The following NXPE2 variants were observed in gnomAD, a reference collection of about 807,000 sequenced individuals.
The protein encoded by NXPE2 is neurexophilin and PC-esterase domain family member 2.
In NXPE2, 34 loss-of-function variants were observed where a neutral mutation model predicts 34.4. The observed-to-expected ratio is 0.99, with a 90% CI of 0.75 to 1.31. NXPE2 has a LOEUF of 1.31. NXPE2 is among the 40% of genes most tolerant of loss of function. The pLI, the probability that NXPE2 is intolerant of heterozygous loss-of-function variation, is 0.00. For synonymous variants in NXPE2, 235 were observed against 231.3 expected (o/e 1.02, Z -0.15); for missense variants, 649 against 672.5 (o/e 0.97, Z 0.39).
chr11:114,654,645 C>A, the NXPE2 span, among the ~76,000 whole-genome samples: 1 of 152,090 alleles, frequency 6.6e-6, no homozygotes, highest in African/African-American at 2.4e-5. Context: ...CTGAAAAAGA[C>A]ATCTCGTTCC....
At chr11:114,575,552 C>G in the NXPE2 span, among the ~76,000 whole-genome samples, 1 of 151,778 alleles carries the variant, frequency 6.6e-6, no homozygotes, top group Admixed American at 6.6e-5. Flanking sequence ...CAACAGCAAC[C>G]AAGCCGAGAA....
chr11:114,643,157 C>A, the NXPE2 span, among the ~76,000 whole-genome samples: 2 of 151,942 alleles, frequency 1.3e-5, no homozygotes, highest in African/African-American at 4.8e-5. Context: ...TGGATATTAG[C>A]CCTTTGTCAG....
chr11:114,580,432 G>GATAGAA, the NXPE2 span: 1 of 997,024 alleles, frequency 1.0e-6, no homozygotes, highest in Non-Finnish European at 1.5e-6. Flanking sequence ...ATCCTAAGAG[G>GATAGAA]GGGTAAGGTG....
chr11:114,792,844 G>A, the NXPE2 span, among the ~76,000 whole-genome samples: 3 of 152,124 alleles, frequency 2.0e-5, no homozygotes, highest in Non-Finnish European at 2.9e-5. Context: ...AGTTCTGTGA[G>A]GTAGATATTA....
At chr11:114,537,602 T>C in the NXPE2 span, among the ~76,000 whole-genome samples, 1 of 152,170 alleles carries the variant, frequency 6.6e-6, no homozygotes, top group African/African-American at 2.4e-5. Flanking sequence ...ACAAAATCAA[T>C]GTGCAAAAAT....
At chr11:114,658,577 A>G in the NXPE2 span, among the ~76,000 whole-genome samples, 14 of 152,206 alleles carry the variant, frequency 9.2e-5, no homozygotes, top group Non-Finnish European at 1.8e-4. Context: ...CTAAAGTGTT[A>G]TGCTACTGGC....
the NXPE2 span, among the ~76,000 whole-genome samples, chr11:114,661,583 T>C: frequency 6.6e-6 from 1 of 152,226 alleles, no homozygotes; most frequent in African/African-American, 2.4e-5. Flanking sequence ...ACAAGCATTG[T>C]AGAACATCCC....
chr11:114,522,921 T>C, the NXPE2 span: 1 of 1,613,522 alleles, frequency 6.2e-7, no homozygotes, highest in Middle Eastern at 1.7e-4. Flanking sequence ...TGACGTAGTG[T>C]AGAGTCTCCC....
chr11:114,686,108 CTAAA>C (rs1293662390), intron 2 of NXPE2, among the ~76,000 whole-genome samples: 1 of 151,816 alleles, frequency 6.6e-6, no homozygotes, highest in Non-Finnish European at 1.5e-5. Context: ...TTATTTTTTT[CTAAA>C]TACTTTTATA....
At chr11:114,610,656 C>T in the NXPE2 span, among the ~76,000 whole-genome samples, 676 of 151,836 alleles carry the variant, frequency 4.5e-3, 8 homozygotes, top group African/African-American at 0.016. Flanking sequence ...CACTGTTAAC[C>T]GGTGGATAAT....
the NXPE2 span, among the ~76,000 whole-genome samples, chr11:114,474,188 G>A: frequency 6.6e-6 from 1 of 152,168 alleles, no homozygotes; most frequent in Admixed American, 6.6e-5. Flanking sequence ...TTGGATTTCA[G>A]GAGAAAGGTC....
chr11:114,740,544 T>G, the NXPE2 span, among the ~76,000 whole-genome samples: 1 of 151,576 alleles, frequency 6.6e-6, no homozygotes, highest in South Asian at 2.1e-4. Context: ...CTCTCTATGC[T>G]TTTTTTAAAA....
the NXPE2 span, chr11:114,528,725 G>A: frequency 1.8e-6 from 1 of 547,978 alleles, no homozygotes; most frequent in South Asian, 2.6e-5. Context: ...CCATGAAAGT[G>A]GAGGAAGGAA....
rs1036542173 is a variant in NXPE2 at position 114,679,663 on chromosome 11, C to T, written c.33C>T (p.Leu11=). 3.2e-6 allele frequency: 5 copies of T among 1,539,914 alleles called. No individual in the cohort carries two copies. The Admixed American group carries it at 9.8e-5, about 30-fold the overall frequency. The change falls in exon 2 of 6, where the codon CTC becomes CTT. Residue 11 remains leucine (L), a synonymous_variant. Transcript: ENST00000389586. Reference sequence around the variant, plus strand: ...CTCCTGTCCTTTCTTATAGGATACTCACTTTGTTTCCAAATGCCATAGCTC... The same window carrying T: ...CTCCTGTCCTTTCTTATAGGATACTTACTTTGTTTCCAAATGCCATAGCTC... MVEKILIHRI[L]TLFPNAIARK...
the NXPE2 span, among the ~76,000 whole-genome samples, chr11:114,645,020 G>T: frequency 4.6e-5 from 7 of 151,334 alleles, no homozygotes; most frequent in Admixed American, 1.3e-4. Flanking sequence ...AAAAAAAACA[G>T]GCCGGGCATA....
the NXPE2 span, among the ~76,000 whole-genome samples, chr11:114,727,419 A>G: frequency 5.3e-5 from 8 of 152,090 alleles, no homozygotes; most frequent in Admixed American, 3.3e-4. Flanking sequence ...CATGTCTGAA[A>G]AGCCTCACTT....
At chr11:114,725,660 A>G in the NXPE2 span, among the ~76,000 whole-genome samples, 12 of 151,926 alleles carry the variant, frequency 7.9e-5, no homozygotes, top group Admixed American at 2.0e-4. Context: ...GATCCTTGAT[A>G]TCTATAGCCT....
the NXPE2 span, among the ~76,000 whole-genome samples, chr11:114,651,373 T>A: frequency 6.6e-6 from 1 of 152,142 alleles, no homozygotes; most frequent in Non-Finnish European, 1.5e-5. Context: ...TCCTGGTGGG[T>A]TCGTGGTCTC....
chr11:114,516,899 C>T, the NXPE2 span, among the ~76,000 whole-genome samples: 4 of 152,130 alleles, frequency 2.6e-5, no homozygotes, highest in Non-Finnish European at 5.9e-5. Context: ...AGCCCCCATC[C>T]CTGGGGTGGG....
Sources: allele counts gnomAD v4.1 joint callset (sites outside exome capture counted in the v4.1 genomes callset), GRCh38; gene constraint gnomAD v4.1.1; transcripts MANE v1.5; gene names NCBI Gene and HGNC (gene_info 2026-07-23, HGNC 2026-07-21).